Variants in BCAR3 observed in about 807,000 individuals in gnomAD.
BCAR3 encodes BCAR3 adaptor protein, NSP family member.
Under a neutral mutation model 80.1 loss-of-function variants are expected in BCAR3, and 37 were observed. The ratio of observed to expected loss-of-function variants is 0.46; its 90% CI spans 0.36 to 0.61. The LOEUF is 0.61. Ranked by LOEUF, BCAR3 falls within the 20% of genes least tolerant of loss-of-function variation. The pLI is 0.00. For synonymous variants in BCAR3, 389 were observed against 418.9 expected (o/e 0.93, Z 0.87); for missense variants, 978 against 1,068.2 (o/e 0.92, Z 1.18).
chr1:93,686,526 CATTA>C (rs1648979793), upstream of BCAR3, among the ~76,000 whole-genome samples: 1 of 152,232 alleles, frequency 6.6e-6, no homozygotes, highest in South Asian at 2.1e-4. Context: ...AGCTTTAAGC[CATTA>C]ATCGATACTT....
chr1:93,760,432 A>T (rs561919028), intron 2 of BCAR3, among the ~76,000 whole-genome samples: 1 of 152,268 alleles, frequency 6.6e-6, no homozygotes, highest in Admixed American at 6.5e-5. Context: ...ATAAAGCATG[A>T]TGAAGCATGG....
intron 2 of BCAR3, among the ~76,000 whole-genome samples, chr1:93,843,362 G>C (rs961570065): frequency 1.3e-5 from 2 of 152,166 alleles, no homozygotes; most frequent in African/African-American, 2.4e-5. Context: ...TCTTTATTAA[G>C]AGCTACTTAC....
At chr1:93,786,066 G>A (rs547368276) in intron 2 of BCAR3, among the ~76,000 whole-genome samples, 7,899 of 140,638 alleles carry the variant, frequency 0.056, 1,002 homozygotes, top group African/African-American at 0.11. Context: ...GGTGGCGGGC[G>A]CCTGTAGTCC....
intron 2 of BCAR3, among the ~76,000 whole-genome samples, chr1:93,725,154 A>AG (rs1650536345): frequency 6.6e-6 from 1 of 152,194 alleles, no homozygotes; most frequent in Non-Finnish European, 1.5e-5. Flanking sequence ...CTCATGTGTA[A>AG]GCTCACAGAG....
chr1:93,829,010 C>T (rs1223230891), intron 2 of BCAR3, among the ~76,000 whole-genome samples: 1 of 152,114 alleles, frequency 6.6e-6, no homozygotes, highest in Non-Finnish European at 1.5e-5. Context: ...GAACTCAGGA[C>T]ATGGACACAC....
intron 2 of BCAR3, among the ~76,000 whole-genome samples, chr1:93,836,789 C>G (rs1654784661): frequency 6.6e-6 from 1 of 152,132 alleles, no homozygotes; most frequent in African/African-American, 2.4e-5. Context: ...TGATGACATT[C>G]CACCATTGTG....
intron 2 of BCAR3, among the ~76,000 whole-genome samples, chr1:93,768,719 A>C (rs985775784): frequency 6.6e-6 from 1 of 152,174 alleles, no homozygotes; most frequent in African/African-American, 2.4e-5. Flanking sequence ...GGAAGTAGAG[A>C]TATCGCAGGA....
rs1204050041 is a variant in BCAR3 at position 93,671,183 on chromosome 1, T to TG, written c.317+3430dup. 2.0e-5 allele frequency among the ~76,000 whole-genome samples: 3 copies of TG among 151,994 alleles called. No homozygotes were observed. In the East Asian group the frequency reaches 5.8e-4, roughly 29 times the overall value. On this transcript the variant is annotated intron_variant, in intron 2 of 11. Coordinates refer to ENST00000260502, the MANE Select transcript of BCAR3 (RefSeq NM_003567.4). ...AATTTTTTTGTATTTTTAGTAGAGA[T>TG]GGGGTTTCGTCATGTTGGCCAGGAT...
chr1:93,569,372 G>C (rs1165544647), intron 9 of BCAR3, among the ~76,000 whole-genome samples: 1 of 152,194 alleles, frequency 6.6e-6, no homozygotes, highest in Admixed American at 6.5e-5. Flanking sequence ...AGGAAGGTGA[G>C]TAGGCTCAGC....
chr1:93,628,933 A>G (rs765774470), intron 3 of BCAR3, among the ~76,000 whole-genome samples: 1 of 152,238 alleles, frequency 6.6e-6, no homozygotes, highest in Non-Finnish European at 1.5e-5. Context: ...CTAACAGAAC[A>G]TTAGCAAAAC....
intron 3 of BCAR3, among the ~76,000 whole-genome samples, chr1:93,700,989 A>G (rs188636405): frequency 8.7e-4 from 132 of 152,296 alleles, no homozygotes; most frequent in Admixed American, 2.8e-3. Context: ...TGTGCTGTTA[A>G]AAGCACAGCC....
At chr1:93,707,621 C>T (rs1014877248) in intron 2 of BCAR3, among the ~76,000 whole-genome samples, 3 of 151,850 alleles carry the variant, frequency 2.0e-5, no homozygotes, top group South Asian at 2.1e-4. Flanking sequence ...GCAGGAGAAT[C>T]GCTTGAACCC....
At chr1:93,686,792 C>G (rs940954276), upstream of BCAR3, among the ~76,000 whole-genome samples, 5 of 152,166 alleles carry the variant, frequency 3.3e-5, no homozygotes, top group African/African-American at 1.2e-4. Flanking sequence ...AAACGCTGAG[C>G]ATTTTTCAAA....
At chr1:93,692,566 G>A (rs1428980017) in intron 3 of BCAR3, among the ~76,000 whole-genome samples, 1 of 152,210 alleles carries the variant, frequency 6.6e-6, no homozygotes, top group Non-Finnish European at 1.5e-5. Context: ...AATCCTTTCA[G>A]CAACCTAGAG....
At chr1:93,786,912 A>G (rs1652969253) in intron 2 of BCAR3, among the ~76,000 whole-genome samples, 1 of 152,162 alleles carries the variant, frequency 6.6e-6, no homozygotes, top group Non-Finnish European at 1.5e-5. Context: ...ATCTGGGCCA[A>G]TGTTCCTCCA....
At chr1:93,612,238 A>C (rs1286166049) in intron 3 of BCAR3, among the ~76,000 whole-genome samples, 2 of 152,154 alleles carry the variant, frequency 1.3e-5, no homozygotes, top group African/African-American at 4.8e-5. Flanking sequence ...GTGAGTGAGC[A>C]GCTCAGGCCT....
intron 2 of BCAR3, among the ~76,000 whole-genome samples, chr1:93,809,661 G>A (rs569382336): frequency 5.3e-5 from 8 of 151,750 alleles, no homozygotes; most frequent in South Asian, 2.1e-4. Context: ...CCAACCACTC[G>A]GGAGGCTGAG....
At chr1:93,585,106 T>A (rs1673889473) in intron 5 of BCAR3, 1 of 985,270 alleles carries the variant, frequency 1.0e-6, no homozygotes, top group Non-Finnish European at 1.2e-6. Context: ...AGAAGTGATA[T>A]TTAAGCAGTG....
intron 2 of BCAR3, among the ~76,000 whole-genome samples, chr1:93,757,325 C>G (rs756714104): frequency 4.6e-5 from 7 of 152,136 alleles, no homozygotes; most frequent in Non-Finnish European, 1.0e-4. Flanking sequence ...GTGGAGCAGA[C>G]AGCAGCTCCC....
Sources: allele counts gnomAD v4.1 joint callset (sites outside exome capture counted in the v4.1 genomes callset), GRCh38; gene constraint gnomAD v4.1.1; transcripts MANE v1.5; gene names NCBI Gene and HGNC (gene_info 2026-07-23, HGNC 2026-07-21).